The following LRRC37A2 variants were observed in gnomAD, a reference collection of about 807,000 sequenced individuals.
LRRC37A2 encodes the protein leucine rich repeat containing 37 member A2, also known as leucine-rich repeat-containing protein 37A2.
In LRRC37A2, 9 loss-of-function variants were observed where a neutral mutation model predicts 68.8. The observed-to-expected ratio is 0.13, with a 90% CI of 0.08 to 0.23. The LOEUF (loss-of-function observed/expected upper bound fraction) is 0.23, where lower values mean the gene tolerates loss of function less well. Among genes scored for constraint, LRRC37A2 ranks in the 10% least tolerant of loss-of-function variants. The probability of loss-of-function intolerance (pLI) is 1.00; values close to 1 mark genes in which losing one functional copy is unlikely to be tolerated. For synonymous variants in LRRC37A2, 63 were observed against 367.6 expected (o/e 0.17, Z 9.48); for missense variants, 168 against 950.4 (o/e 0.18, Z 10.82).
the LRRC37A2 span, among the ~76,000 whole-genome samples, chr17:46,793,307 GGA>G: frequency 6.7e-6 from 1 of 148,718 alleles, no homozygotes; most frequent in Non-Finnish European, 1.5e-5. Context: ...AAAAATGAGG[GGA>G]GACATTTACC....
chr17:46,635,813 G>GTGTGTGTGTGTGTGTA, the LRRC37A2 span, among the ~76,000 whole-genome samples: 1 of 141,592 alleles, frequency 7.1e-6, no homozygotes, highest in African/African-American at 2.6e-5. Flanking sequence ...GTGTGTGTGT[G>GTGTGTGTGTGTGTGTA]TGTGTGCTCG....
the LRRC37A2 span, among the ~76,000 whole-genome samples, chr17:46,727,486 G>C: frequency 6.6e-6 from 1 of 152,164 alleles, no homozygotes; most frequent in Non-Finnish European, 1.5e-5. Flanking sequence ...CCATAATGGT[G>C]TAGTCGTGAT....
chr17:46,877,021 A>G, the LRRC37A2 span: 32 of 1,203,218 alleles, frequency 2.7e-5, no homozygotes, highest in Non-Finnish European at 3.2e-5. Flanking sequence ...AGAGCACAGC[A>G]GGACTGAAAT....
chr17:46,761,654 C>T, the LRRC37A2 span, among the ~76,000 whole-genome samples: 3 of 152,018 alleles, frequency 2.0e-5, no homozygotes, highest in South Asian at 4.1e-4. Flanking sequence ...TATTTCTCTT[C>T]GTAGTGAGGT....
At chr17:46,887,842 C>T in the LRRC37A2 span, among the ~76,000 whole-genome samples, 1 of 152,140 alleles carries the variant, frequency 6.6e-6, no homozygotes, top group Non-Finnish European at 1.5e-5. Flanking sequence ...ATGTGCCAAA[C>T]ACTGTGCTGG....
the LRRC37A2 span, among the ~76,000 whole-genome samples, chr17:46,805,479 A>G: frequency 3.9e-5 from 6 of 152,314 alleles, no homozygotes; most frequent in Non-Finnish European, 7.4e-5. Flanking sequence ...AGGCTGAGGC[A>G]GGAGAATCGC....
chr17:46,493,389 T>C, the LRRC37A2 span, among the ~76,000 whole-genome samples: 8 of 127,520 alleles, frequency 6.3e-5, no homozygotes, highest in Non-Finnish European at 9.7e-5. Flanking sequence ...TTTCGAATCC[T>C]GGGCTCAAGC....
chr17:46,755,385 A>AT, the LRRC37A2 span: 2 of 1,606,594 alleles, frequency 1.2e-6, no homozygotes, highest in Non-Finnish European at 1.7e-6. Flanking sequence ...TACATACAAC[A>AT]TTTAATGACC....
chr17:46,755,956 A>G, the LRRC37A2 span: 9 of 807,186 alleles, frequency 1.1e-5, no homozygotes, highest in African/African-American at 1.2e-4. Flanking sequence ...CTCGCTCTGC[A>G]TGATTAGTGC....
chr17:47,019,709 G>A, the LRRC37A2 span: 6 of 1,135,744 alleles, frequency 5.3e-6, no homozygotes, highest in African/African-American at 9.9e-5. Flanking sequence ...GCGGAGATGA[G>A]ATGTTGTCAT....
chr17:46,899,805 A>C, the LRRC37A2 span, among the ~76,000 whole-genome samples: 13 of 152,116 alleles, frequency 8.5e-5, no homozygotes, highest in Admixed American at 8.5e-4. Context: ...TATTTAGAAT[A>C]TGCTAGGAGA....
the LRRC37A2 span, among the ~76,000 whole-genome samples, chr17:46,498,707 G>A: frequency 2.1e-5 from 3 of 143,312 alleles, no homozygotes; most frequent in Non-Finnish European, 4.4e-5. Flanking sequence ...TAGGCCAAAG[G>A]AAAATTATAC....
At chr17:47,025,111 GA>G in the LRRC37A2 span, among the ~76,000 whole-genome samples, 1 of 152,118 alleles carries the variant, frequency 6.6e-6, no homozygotes, top group Non-Finnish European at 1.5e-5. Flanking sequence ...ATTAAGTTAA[GA>G]ATGGTTTTTG....
At chr17:46,764,879 T>C in the LRRC37A2 span, among the ~76,000 whole-genome samples, 1 of 152,202 alleles carries the variant, frequency 6.6e-6, no homozygotes, top group East Asian at 1.9e-4. Flanking sequence ...CACCTCTAGC[T>C]GAGGGCCTTG....
At chr17:46,882,182 A>T in the LRRC37A2 span, among the ~76,000 whole-genome samples, 3 of 152,190 alleles carry the variant, frequency 2.0e-5, no homozygotes, top group African/African-American at 7.2e-5. Context: ...AAAAATTTTT[A>T]AAACATGTTT....
the LRRC37A2 span, among the ~76,000 whole-genome samples, chr17:46,808,562 T>C: frequency 6.6e-6 from 1 of 152,192 alleles, no homozygotes; most frequent in Non-Finnish European, 1.5e-5. Context: ...GGCTGCACTG[T>C]GGGACTCCCT....
chr17:47,021,018 C>T, the LRRC37A2 span, among the ~76,000 whole-genome samples: 9 of 151,994 alleles, frequency 5.9e-5, no homozygotes, highest in Middle Eastern at 3.4e-3. Context: ...TCTAGGCAAA[C>T]GCTTGGCTAC....
At chr17:46,502,236 AGATTT>A in the LRRC37A2 span, among the ~76,000 whole-genome samples, 13 of 151,194 alleles carry the variant, frequency 8.6e-5, no homozygotes, top group Admixed American at 6.6e-4. Context: ...CATTCATATT[AGATTT>A]ATTTACTTAC....
chr17:47,000,080 AT>A, the LRRC37A2 span, among the ~76,000 whole-genome samples: 1,310 of 8,738 alleles, frequency 0.15, 144 homozygotes, highest in East Asian at 0.32. Context: ...AAAATAAAAA[AT>A]AAAATAAAAT....
Sources: gnomAD v4.1 joint callset for allele counts (sites outside exome capture counted in the v4.1 genomes callset) on GRCh38, gnomAD v4.1.1 for gene constraint, MANE v1.5 for transcripts, NCBI Gene and HGNC (gene_info 2026-07-23, HGNC 2026-07-21) for gene names.